Variants in FFAR1 observed in about 807,000 individuals in gnomAD.
The protein encoded by FFAR1 is free fatty acid receptor 1.
For missense variants in FFAR1, 424 were observed against 396.2 expected, an observed-to-expected ratio of 1.07 and a Z score of -0.60; for synonymous variants, 216 against 201.5, an observed-to-expected ratio of 1.07 and a Z score of -0.61.
upstream of FFAR1, among the ~76,000 whole-genome samples, chr19:35,348,055 C>G (rs569423184): frequency 1.4e-3 from 220 of 152,352 alleles, no homozygotes; most frequent in Non-Finnish European, 2.4e-3. Context: ...GGCTAAAGCC[C>G]ATTCTCCTTA....
chr19:35,352,562 C>T, exon 1 of FFAR1: 2 of 1,232,492 alleles, frequency 1.6e-6, no homozygotes, highest in Non-Finnish European at 2.2e-6. Context: ...GCCCGGAGGC[C>T]TCCCTGGAGC....
At chr19:35,351,397 G>A (rs1192129983), upstream of FFAR1, 7 of 217,456 alleles carry the variant, frequency 3.2e-5, no homozygotes, top group Non-Finnish European at 5.5e-5. Context: ...TGTGGGCCTC[G>A]TTTCCTCCCT....
At chr19:35,352,429 C>A (rs1351034060) in exon 1 of FFAR1, 1 of 1,554,508 alleles carries the variant, frequency 6.4e-7, no homozygotes, top group East Asian at 2.4e-5. Context: ...GCGGCAAGAA[C>A]GCAAGGGGGC....
exon 1 of FFAR1, chr19:35,352,864 A>G (rs2066951756): frequency 4.1e-6 from 1 of 241,036 alleles, no homozygotes; most frequent in Non-Finnish European, 8.2e-6. Context: ...ATCAGTTCCC[A>G]GGAGAGAACA....
exon 1 of FFAR1, chr19:35,352,144 C>T: frequency 6.2e-7 from 1 of 1,610,988 alleles, no homozygotes; most frequent in Non-Finnish European, 8.5e-7. Context: ...TTGGCCATCA[C>T]AGCCTTCTGC....
chr19:35,351,967 G>A (rs1165211618), exon 1 of FFAR1: 2 of 1,614,158 alleles, frequency 1.2e-6, no homozygotes, highest in Middle Eastern at 1.6e-4. Flanking sequence ...TGTCACCTGG[G>A]TCTGGTCTTT....
chr19:35,353,498 A>C (rs1398026111), exon 1 of FFAR1: 1 of 152,236 alleles, frequency 6.6e-6, no homozygotes, highest in Non-Finnish European at 1.5e-5. Context: ...AAAAAAAAGA[A>C]AAAAGACATA....
At chr19:35,351,996 G>A in exon 1 of FFAR1, 1 of 1,614,126 alleles carries the variant, frequency 6.2e-7, no homozygotes, top group Non-Finnish European at 8.5e-7. Context: ...GGCTCCAGGA[G>A]GCTGGCTGGA....
chr19:35,349,756 A>G (rs548127563), upstream of FFAR1, among the ~76,000 whole-genome samples: 20 of 152,240 alleles, frequency 1.3e-4, 1 homozygote, highest in South Asian at 4.1e-3. Flanking sequence ...CGCCTGAGAA[A>G]ACTGATGTGG....
chr19:35,350,731 C>T (rs1411883180), upstream of FFAR1, among the ~76,000 whole-genome samples: 1 of 152,164 alleles, frequency 6.6e-6, no homozygotes, highest in Non-Finnish European at 1.5e-5. Flanking sequence ...GGCTAATGGC[C>T]CTGTCACCCG....
upstream of FFAR1, among the ~76,000 whole-genome samples, chr19:35,350,182 G>C (rs560498271): frequency 6.6e-6 from 1 of 152,160 alleles, no homozygotes; most frequent in Non-Finnish European, 1.5e-5. Flanking sequence ...GGCTGCCCCC[G>C]CCCCTTGCCT....
chr19:35,351,563 C>G (rs770590725), exon 1 of FFAR1: 4 of 1,540,540 alleles, frequency 2.6e-6, no homozygotes, highest in Non-Finnish European at 3.5e-6. Context: ...TGGACCTGCC[C>G]CCGCAGCTCT....
chr19:35,353,652 CTGTTTA>C (rs2066954331), exon 1 of FFAR1: 1 of 152,198 alleles, frequency 6.6e-6, no homozygotes, highest in Non-Finnish European at 1.5e-5. Context: ...GTTTTGTTGT[CTGTTTA>C]TAAGAGAAGT....
At chr19:35,351,797 C>G (rs748755425) in exon 1 of FFAR1, 2 of 1,596,926 alleles carry the variant, frequency 1.3e-6, no homozygotes, top group Admixed American at 3.5e-5. Flanking sequence ...GCCCCGTCTT[C>G]GCGGTGGCCC....
exon 1 of FFAR1, chr19:35,352,231 G>T: frequency 6.4e-7 from 1 of 1,566,176 alleles, no homozygotes; most frequent in Non-Finnish European, 8.6e-7. Flanking sequence ...TGGGTGGCCG[G>T]CGGGGCCCTC....
chr19:35,351,636 G>T, exon 1 of FFAR1: 1 of 1,545,420 alleles, frequency 6.5e-7, no homozygotes. Flanking sequence ...GGCCATCCGA[G>T]GCGCGACGGC....
exon 1 of FFAR1, chr19:35,352,573 C>T: frequency 8.7e-7 from 1 of 1,146,316 alleles, no homozygotes; most frequent in Non-Finnish European, 1.2e-6. Flanking sequence ...TCCCTGGAGC[C>T]ACTCAAGCAG....
chr19:35,352,323 C>A (rs578146950), exon 1 of FFAR1: 14 of 1,552,086 alleles, frequency 9.0e-6, no homozygotes, highest in African/African-American at 1.4e-5. Flanking sequence ...AGGCTCCTGG[C>A]GGAAGCTGGG....
exon 1 of FFAR1, chr19:35,352,551 G>A: frequency 7.5e-7 from 1 of 1,332,920 alleles, no homozygotes; most frequent in Non-Finnish European, 1.0e-6. Flanking sequence ...AGGGCAGCCT[G>A]GCCCGGAGGC....
Sources: gnomAD v4.1 joint callset for allele counts (sites outside exome capture counted in the v4.1 genomes callset) on GRCh38, gnomAD v4.1.1 for gene constraint, MANE v1.5 for transcripts, NCBI Gene and HGNC (gene_info 2026-07-23, HGNC 2026-07-21) for gene names.